The following COL4A4 variants were observed in gnomAD, a reference collection of about 807,000 sequenced individuals.
COL4A4 encodes collagen type IV alpha 4 chain.
Under a neutral mutation model 192.9 loss-of-function variants are expected in COL4A4, and 105 were observed. The observed-to-expected ratio is 0.54, with a 90% CI of 0.46 to 0.64. The LOEUF is 0.64. Among genes scored for constraint, COL4A4 ranks in the 30% least tolerant of loss-of-function variants. COL4A4 has a pLI of 0.00. For synonymous variants in COL4A4, 762 were observed against 769.9 expected (o/e 0.99, Z 0.17); for missense variants, 1,967 against 2,169.3 (o/e 0.91, Z 1.85).
intron 29 of COL4A4, among the ~76,000 whole-genome samples, chr2:227,056,726 AG>A (rs1975453220): frequency 6.6e-6 from 1 of 152,240 alleles, no homozygotes; most frequent in South Asian, 2.1e-4. Context: ...TAGTATTAAA[AG>A]GTGAACACTT....
At chr2:227,049,965 C>A in intron 34 of COL4A4, 103 bp downstream of exon 34, 1 of 1,107,758 alleles carries the variant, frequency 9.0e-7, no homozygotes, top group South Asian at 1.2e-5. Context: ...GTTGCAGTTT[C>A]TTTGATACAC....
chr2:227,156,606 G>C (rs1387404443), intron 1 of COL4A4, among the ~76,000 whole-genome samples: 2 of 151,818 alleles, frequency 1.3e-5, no homozygotes, highest in Non-Finnish European at 2.9e-5. Context: ...ATATACAGAA[G>C]GACAATTCTA....
At chr2:227,080,570 A>G in intron 23 of COL4A4, 21 bp from the exon 24 acceptor site, 1 of 1,594,762 alleles carries the variant, frequency 6.3e-7, no homozygotes, top group East Asian at 2.2e-5. Context: ...AGGTCAAAAG[A>G]TATTCAAGCT....
chr2:226,970,527 G>C, the COL4A4 span, among the ~76,000 whole-genome samples: 1 of 152,248 alleles, frequency 6.6e-6, no homozygotes, highest in Admixed American at 6.5e-5. Context: ...CAGAGGGCAC[G>C]GAAGCAGCCT....
At position 227,082,162 on chromosome 2, in the gene COL4A4, G is replaced by A. The variant is rs746822428; in HGVS notation, c.1649C>T (p.Pro550Leu). 2 of 1,614,026 alleles carry A rather than the reference G, an allele frequency of 1.2e-6. No individual in the cohort carries two copies. Among genetic ancestry groups the A allele is most frequent in the Non-Finnish European group, 1.7e-6 (2 of 1,180,000 alleles). ...GTCACCCTTCGCCCCTTTGTTGCCA[G>A]GTGGTCCAGAGGCACCATGCTTTCC... The part of the protein sequence containing the change: ...LPGKHGASGP[P>L]GNKGAKGDMV... Residue 550 changes from proline to leucine, a missense_variant, in exon 23 of 48, where the codon CCT becomes CTT. Coordinates refer to ENST00000396625, the MANE Select transcript of COL4A4 (RefSeq NM_000092.5).
downstream of COL4A4, among the ~76,000 whole-genome samples, chr2:227,000,323 A>G (rs1285122246): frequency 6.6e-6 from 1 of 152,218 alleles, no homozygotes; most frequent in Non-Finnish European, 1.5e-5. Flanking sequence ...TATAGGCACC[A>G]AAGTACTTCT....
At chr2:227,109,055 C>A (rs1173044843) in intron 10 of COL4A4, 169 bp downstream of exon 10, 2 of 885,882 alleles carry the variant, frequency 2.3e-6, no homozygotes, top group Non-Finnish European at 1.9e-6. Flanking sequence ...TCCGCAGGGA[C>A]CTGTGCTTCA....
Position 227,047,560 on chromosome 2 carries a change from T to C in COL4A4, c.3215-11A>G. 2 of 1,600,076 alleles carry C rather than the reference T, an allele frequency of 1.2e-6. No individual in the cohort carries two copies. The highest frequency in any genetic ancestry group is 2.2e-5 in the South Asian group (2 of 90,752). On this transcript the variant is annotated splice_polypyrimidine_tract_variant and intron_variant, in intron 34 of 47. Coordinates refer to ENST00000396625, the MANE Select transcript of COL4A4 (RefSeq NM_000092.5). ...GGTCACCTTTGTTTCCTGAAAGGGA[T>C]AAAATGCATGTGACATTACTTTAGA...
At chr2:227,098,663 T>G (rs2060336892) in intron 19 of COL4A4, 31 bp downstream of exon 19, 2 of 1,564,552 alleles carry the variant, frequency 1.3e-6, no homozygotes, top group Non-Finnish European at 1.8e-6. Context: ...ATCTGACCTG[T>G]AAAAGCCAGG....
chr2:227,011,658 G>A (rs1336005087), intron 45 of COL4A4, among the ~76,000 whole-genome samples: 1 of 152,154 alleles, frequency 6.6e-6, no homozygotes, highest in Non-Finnish European at 1.5e-5. Flanking sequence ...AGAGTCCTAT[G>A]TCCCCTTTCC....
In COL4A4 at chr2:227,005,769, C is replaced by G. The variant is rs1961958761; in HGVS notation, c.*1556G>C. 1 of 152,126 alleles carries G rather than the reference C, an allele frequency of 6.6e-6. No individual in the cohort carries two copies. Among genetic ancestry groups the G allele is most frequent in the African/African-American group, 2.4e-5 (1 of 41,426 alleles). The allele number at this position is 152,126 out of a possible 1,614,324, so 9.4% of individuals were successfully genotyped here. Reference sequence around the variant, plus strand: ...TATTTTTAAGTGCACGGAAACAAAGCACTAAAATGAGTGTCACGCTCATGA... The same window carrying G: ...TATTTTTAAGTGCACGGAAACAAAGGACTAAAATGAGTGTCACGCTCATGA... On this transcript the variant is annotated 3_prime_UTR_variant, in exon 48 of 48. Coordinates refer to ENST00000396625, the MANE Select transcript of COL4A4 (RefSeq NM_000092.5).
At chr2:227,048,825 AG>A in intron 34 of COL4A4, among the ~76,000 whole-genome samples, 1 of 152,346 alleles carries the variant, frequency 6.6e-6, no homozygotes. Context: ...TGAACCCCAA[AG>A]TTATAAAATA....
At chr2:227,098,582 T>G in intron 19 of COL4A4, 112 bp downstream of exon 19, 1 of 828,316 alleles carries the variant, frequency 1.2e-6, no homozygotes, top group Non-Finnish European at 2.0e-6. Context: ...CGGTATTATT[T>G]TACACAATCC....
intron 24 of COL4A4, among the ~76,000 whole-genome samples, chr2:227,080,102 C>T (rs1452760103): frequency 6.6e-6 from 1 of 152,154 alleles, no homozygotes; most frequent in Non-Finnish European, 1.5e-5. Flanking sequence ...CGAGCTCCAT[C>T]CTCCACCCCA....
the COL4A4 span, among the ~76,000 whole-genome samples, chr2:226,968,612 C>CA: frequency 6.6e-6 from 1 of 152,172 alleles, no homozygotes; most frequent in Non-Finnish European, 1.5e-5. Context: ...ACTTGACACA[C>CA]AAAAAAGAGC....
chr2:227,132,702 G>A (rs1262586123), intron 4 of COL4A4, among the ~76,000 whole-genome samples: 1 of 152,178 alleles, frequency 6.6e-6, no homozygotes, highest in Admixed American at 6.5e-5. Context: ...CTTGAACACA[G>A]GAGGTGGAAG....
chr2:226,991,828 C>T, the COL4A4 span, among the ~76,000 whole-genome samples: 900 of 152,276 alleles, frequency 5.9e-3, 9 homozygotes, highest in African/African-American at 0.021. Context: ...CTGGAAGTCC[C>T]CTTTTTCAGT....
At position 227,142,740 on chromosome 2, in the gene COL4A4, AGTGAGACCCTGTCTC is replaced by A. The variant is rs1254681730; in HGVS notation, c.114+1761_114+1775del. 9.7e-4 allele frequency among the ~76,000 whole-genome samples: 147 copies of A among 151,280 alleles called. 1 individual carries two copies. The highest frequency in any genetic ancestry group is 3.5e-3 in the African/African-American group (144 of 41,108). On this transcript the variant is annotated intron_variant, in intron 3 of 47. Coordinates refer to ENST00000396625, the MANE Select transcript of COL4A4 (RefSeq NM_000092.5). ...CACTGCACTCCAGCTTGGGTGACAC[AGTGAGACCCTGTCTC>A]ACAAAAAAAAAAAAAAAAGTTCAAA... is the stretch of plus-strand genomic sequence containing the variant.
Position 227,104,055 on chromosome 2 carries a change from TAAA to T in COL4A4, c.736-6_736-4del. The T allele has an allele frequency of 7.3e-7, 1 of 1,367,212 alleles. No homozygotes were observed. The highest frequency in any genetic ancestry group is 1.0e-6 in the Non-Finnish European group (1 of 1,000,030). 84.7% of individuals were successfully genotyped at this position (1,367,212 alleles called of 1,614,324 possible). ...GAACCTTGCTGACCAACCTCACCCTTAAAAAAAAAAGCAAGATAATGAAAATTT... is the reference window on the plus strand; with the variant it reads ...GAACCTTGCTGACCAACCTCACCCTTAAAAAAAGCAAGATAATGAAAATTT... On this transcript the variant is annotated splice_region_variant and splice_polypyrimidine_tract_variant and intron_variant, in intron 12 of 47. Transcript: ENST00000396625.
Sources: allele counts gnomAD v4.1 joint callset (sites outside exome capture counted in the v4.1 genomes callset), GRCh38; gene constraint gnomAD v4.1.1; transcripts MANE v1.5; gene names NCBI Gene and HGNC (gene_info 2026-07-23, HGNC 2026-07-21).